Variants in HSP90AA1 observed in about 807,000 individuals in gnomAD.
The protein encoded by HSP90AA1 is heat shock protein HSP 90-alpha.
A neutral mutation model predicts 73.3 loss-of-function variants in HSP90AA1; 18 were observed. That is an observed-to-expected ratio of 0.25 (90% CI 0.17 to 0.36). HSP90AA1 has a LOEUF of 0.36. Ranked by LOEUF, HSP90AA1 falls within the 10% of genes least tolerant of loss-of-function variation. HSP90AA1 has a pLI of 1.00. For synonymous variants in HSP90AA1, 477 were observed against 296.9 expected (o/e 1.61, Z -6.24); for missense variants, 704 against 874.2 (o/e 0.81, Z 2.45).
At chr14:102,088,588 G>A (rs3809385), upstream of HSP90AA1, among the ~76,000 whole-genome samples, 1 of 152,220 alleles carries the variant, frequency 6.6e-6, no homozygotes, top group African/African-American at 2.4e-5. Flanking sequence ...GGTGGTGACC[G>A]GGTGTGTGCC....
rs570375845 is a variant in HSP90AA1 at position 102,106,835 on chromosome 14, C to T, written c.156-4750G>A. On this transcript the variant is annotated intron_variant, in intron 1 of 11. Coordinates refer to the HSP90AA1 transcript ENST00000334701. ...CAAGGATTACAAGTGTGAGCCGCTG[C>T]GCCCACCCTGTTGAGCTAATGTTTT... is the stretch of plus-strand genomic sequence containing the variant. 2.2e-4 allele frequency among the ~76,000 whole-genome samples: 33 copies of T among 151,398 alleles called. 1 individual carries two copies. Among genetic ancestry groups the T allele is most frequent in the African/African-American group, 6.1e-4 (25 of 40,878 alleles).
intron 1 of HSP90AA1, among the ~76,000 whole-genome samples, chr14:102,105,281 G>A (rs1333164136): frequency 6.6e-6 from 1 of 150,760 alleles, no homozygotes; most frequent in Non-Finnish European, 1.5e-5. Context: ...CAGGCGCTTT[G>A]CTAGGGCTGG....
chr14:102,085,448 A>T lies in HSP90AA1; in HGVS notation c.530-17T>A, dbSNP rs375840309. The T allele has an allele frequency of 6.7e-7, 1 of 1,495,428 alleles. No homozygotes were observed. Among genetic ancestry groups the T allele is most frequent in the Non-Finnish European group, 8.9e-7 (1 of 1,123,684 alleles). 92.6% of individuals were successfully genotyped at this position (1,495,428 alleles called of 1,614,324 possible). The stretch of plus-strand genomic sequence containing the variant: ...TAGGTTCACCTGCAAGAGAAGAAAG[A>T]AAAATTGACTTAATACATTCAATTT... On this transcript the variant is annotated splice_polypyrimidine_tract_variant and intron_variant, in intron 3 of 10. Transcript: ENST00000216281.
chr14:102,083,562 A>G lies in HSP90AA1; in HGVS notation c.1470T>C (p.His490=), dbSNP rs1380854542. 3.1e-6 allele frequency: 5 copies of G among 1,613,712 alleles called. No homozygotes were observed. The African/African-American group carries it at 4.0e-5, about 13-fold the overall frequency. Reference sequence around the variant, plus strand: ...TTCTCTTACCTGTGATATAATAGATATGTTTCTGGTTCTCCTTCATTCTGG... The same window carrying G: ...TTCTCTTACCTGTGATATAATAGATGTGTTTCTGGTTCTCCTTCATTCTGG... ...YCTRMKENQK[H]IYYITGETKD... is the part of the protein sequence containing the mutation. The change falls in exon 8 of 11, where the codon CAT becomes CAC. Residue 490 remains histidine, a synonymous_variant. Transcript: ENST00000216281.
At chr14:102,124,622 T>C (rs77699365) in intron 1 of HSP90AA1, among the ~76,000 whole-genome samples, 2 of 152,018 alleles carry the variant, frequency 1.3e-5, no homozygotes, top group Admixed American at 6.6e-5. Flanking sequence ...CAATGTAAAC[T>C]TGAACTCCTG....
In HSP90AA1 at chr14:102,139,250, C is replaced by T. The variant is rs759057727; in HGVS notation, c.155G>A (p.Ser52Asn). 6 of 1,614,116 alleles carry T rather than the reference C, an allele frequency of 3.7e-6. No homozygotes were observed. The Admixed American group carries it at 1.0e-4, about 27-fold the overall frequency. The change falls in exon 1 of 12, where the codon AGC becomes AAC. Residue 52 changes from serine to asparagine, a missense_variant and splice_region_variant. Coordinates refer to the HSP90AA1 transcript ENST00000334701. ...GCGTAAATCTTGAGTCCCTTGGTAC[C>T]TTCTCAGAAACGGCGGCGAGGAGGC...
chr14:102,093,531 C>T (rs1288762414), intron 2 of HSP90AA1, among the ~76,000 whole-genome samples: 2 of 151,640 alleles, frequency 1.3e-5, no homozygotes, highest in African/African-American at 2.4e-5. Context: ...ACACAGTTTC[C>T]GAGAAAGATG....
intron 1 of HSP90AA1, among the ~76,000 whole-genome samples, chr14:102,122,471 C>T (rs185500808): frequency 2.6e-5 from 4 of 151,516 alleles, no homozygotes; most frequent in East Asian, 2.0e-4. Context: ...TTAGTAGAGA[C>T]GGGGTTTCAC....
intron 1 of HSP90AA1, among the ~76,000 whole-genome samples, chr14:102,104,901 A>G (rs1000265835): frequency 2.5e-4 from 38 of 151,854 alleles, no homozygotes; most frequent in Admixed American, 6.6e-4. Flanking sequence ...GCCGCAAATG[A>G]CAAGATTTCA....
chr14:102,116,057 T>A (rs760775922), intron 1 of HSP90AA1, among the ~76,000 whole-genome samples: 3 of 151,624 alleles, frequency 2.0e-5, no homozygotes, highest in Non-Finnish European at 1.5e-5. Flanking sequence ...GTTCACACCA[T>A]TCTCCTGCCT....
upstream of HSP90AA1, among the ~76,000 whole-genome samples, chr14:102,087,946 TTTTTC>T (rs1391646650): frequency 3.2e-5 from 4 of 123,308 alleles, no homozygotes; most frequent in African/African-American, 1.3e-4. Context: ...TTTTTTTTTT[TTTTTC>T]TTTTTTTTTT....
In HSP90AA1 at chr14:102,081,687, A is replaced by T; in HGVS notation, c.*25T>A. ...TCAGAGGAATTGTAGAGTACTGAACAGGTAAGTCATCCCTCAGCCAGAGAT... is the reference window on the plus strand; with the variant it reads ...TCAGAGGAATTGTAGAGTACTGAACTGGTAAGTCATCCCTCAGCCAGAGAT... On this transcript the variant is annotated 3_prime_UTR_variant, in exon 11 of 11. Transcript: ENST00000216281. 1.1e-6 allele frequency: 1 copy of T among 912,528 alleles called. No individual in the cohort carries two copies. Among genetic ancestry groups the T allele is most frequent in the Non-Finnish European group, 1.9e-6 (1 of 538,624 alleles). 56.5% of individuals were successfully genotyped at this position (912,528 alleles called of 1,614,324 possible).
intron 4 of HSP90AA1, 91 bp from the exon 5 acceptor site, chr14:102,085,089 T>C (rs1033788372): frequency 6.3e-7 from 1 of 1,598,500 alleles, no homozygotes; most frequent in Admixed American, 1.7e-5. Context: ...GGCCCAAGTC[T>C]AAATTAGCCA....
chr14:102,101,677 G>A (rs2049495014), intron 2 of HSP90AA1, among the ~76,000 whole-genome samples: 1 of 152,212 alleles, frequency 6.6e-6, no homozygotes, highest in Non-Finnish European at 1.5e-5. Context: ...AGGGACCTGG[G>A]ACTCTCTTGG....
chr14:102,121,004 CACACACACACACACACAT>C (rs1317430443), intron 1 of HSP90AA1, among the ~76,000 whole-genome samples: 4 of 145,696 alleles, frequency 2.7e-5, no homozygotes, highest in South Asian at 4.4e-4. Context: ...AACATACACA[CACACACACACACACACAT>C]ACACACACAC....
chr14:102,115,813 T>C lies in HSP90AA1; in HGVS notation c.156-13728A>G, dbSNP rs2152622975. Among the ~76,000 whole-genome samples, 2 of 152,290 alleles carry C rather than the reference T, an allele frequency of 1.3e-5. 1 individual carries two copies. The highest frequency in any genetic ancestry group is 6.8e-3 in the Middle Eastern group (2 of 294). Reference sequence around the variant, plus strand: ...TTTTAGAGATGGGGTCTCCCTATGTTGTCTAGGCTAGCCTAGAACTTCTGG... The same window carrying C: ...TTTTAGAGATGGGGTCTCCCTATGTCGTCTAGGCTAGCCTAGAACTTCTGG... On this transcript the variant is annotated intron_variant, in intron 1 of 11. Transcript: ENST00000334701.
intron 2 of HSP90AA1, among the ~76,000 whole-genome samples, chr14:102,097,338 G>T (rs2049438654): frequency 6.6e-6 from 1 of 151,286 alleles, no homozygotes; most frequent in South Asian, 2.1e-4. Flanking sequence ...AAAAAAAAAG[G>T]AAAATTTGAA....
chr14:102,088,974 TC>T (rs2049314280), upstream of HSP90AA1, among the ~76,000 whole-genome samples: 1 of 151,316 alleles, frequency 6.6e-6, no homozygotes, highest in African/African-American at 2.4e-5. Context: ...TGGCACAATC[TC>T]TGCTCACTGC....
intron 1 of HSP90AA1, among the ~76,000 whole-genome samples, chr14:102,133,686 T>C (rs561264770): frequency 3.0e-4 from 45 of 151,978 alleles, no homozygotes; most frequent in Non-Finnish European, 5.7e-4. Context: ...TTTCTCCATG[T>C]CAGTCAGGCT....
Sources: gnomAD v4.1 joint callset for allele counts (sites outside exome capture counted in the v4.1 genomes callset) on GRCh38, gnomAD v4.1.1 for gene constraint, MANE v1.5 for transcripts, NCBI Gene and HGNC (gene_info 2026-07-23, HGNC 2026-07-21) for gene names.